NEO1: variants seen among roughly 807,000 people sequenced by gnomAD.
NEO1 encodes the protein neogenin 1, also known as neogenin.
A neutral mutation model predicts 159.7 loss-of-function variants in NEO1; 63 were observed. That is an observed-to-expected ratio of 0.39 (90% confidence interval 0.32 to 0.49). The LOEUF is 0.49. Ranked by LOEUF, NEO1 falls within the 20% of genes least tolerant of loss-of-function variation. NEO1 has a pLI of 0.85. For synonymous variants in NEO1, 633 were observed against 662.0 expected (o/e 0.96, Z 0.67); for missense variants, 1,615 against 1,831.0 (o/e 0.88, Z 2.15).
intron 4 of NEO1, among the ~76,000 whole-genome samples, chr15:73,129,451 A>C (rs1408468213): frequency 6.6e-6 from 1 of 152,214 alleles, no homozygotes; most frequent in Non-Finnish European, 1.5e-5. Context: ...TACTCATCTT[A>C]AGACTTCTTT....
At chr15:73,298,131 C>T (rs372208391) in intron 26 of NEO1, among the ~76,000 whole-genome samples, 4 of 152,256 alleles carry the variant, frequency 2.6e-5, no homozygotes, top group African/African-American at 7.2e-5. Flanking sequence ...GACCACTTAG[C>T]TGTGAGGTGA....
chr15:73,276,192 C>T (rs1324698048), intron 21 of NEO1, among the ~76,000 whole-genome samples: 1 of 152,188 alleles, frequency 6.6e-6, no homozygotes, highest in Non-Finnish European at 1.5e-5. Context: ...AAATTCTTTA[C>T]TCATTGATAT....
chr15:73,160,103 C>T (rs560455266), intron 5 of NEO1, among the ~76,000 whole-genome samples: 2 of 151,948 alleles, frequency 1.3e-5, no homozygotes, highest in South Asian at 4.2e-4. Flanking sequence ...TATCTGTTTT[C>T]CCCCTGTTCA....
intron 1 of NEO1, among the ~76,000 whole-genome samples, chr15:73,092,804 C>T (rs1174552964): frequency 6.6e-6 from 1 of 152,144 alleles, no homozygotes; most frequent in Non-Finnish European, 1.5e-5. Flanking sequence ...ATACTCCACA[C>T]CCAGTATCTC....
At chr15:73,299,742 A>C (rs2042540811) in intron 27 of NEO1, among the ~76,000 whole-genome samples, 1 of 151,664 alleles carries the variant, frequency 6.6e-6, no homozygotes, top group African/African-American at 2.4e-5. Flanking sequence ...TATTTTTTGC[A>C]GATCTCTTTA....
At chr15:73,281,760 A>ATATC (rs1333812270) in intron 22 of NEO1, among the ~76,000 whole-genome samples, 1 of 152,206 alleles carries the variant, frequency 6.6e-6, no homozygotes, top group African/African-American at 2.4e-5. Context: ...AAGAGATTAG[A>ATATC]TATCCATGGT....
chr15:73,102,854 C>T (rs1012426985), intron 1 of NEO1, among the ~76,000 whole-genome samples: 1 of 152,208 alleles, frequency 6.6e-6, no homozygotes, highest in African/African-American at 2.4e-5. Context: ...TATATGTCCT[C>T]CACATAAGCA....
intron 8 of NEO1, among the ~76,000 whole-genome samples, chr15:73,242,383 A>G (rs761531540): frequency 3.9e-5 from 6 of 152,142 alleles, no homozygotes; most frequent in Non-Finnish European, 8.8e-5. Flanking sequence ...AAAAATCATA[A>G]GGGACCAGGT....
intron 5 of NEO1, among the ~76,000 whole-genome samples, chr15:73,160,821 A>G (rs1207944669): frequency 2.0e-5 from 3 of 152,086 alleles, no homozygotes; most frequent in Admixed American, 6.5e-5. Context: ...ATAAGTTTCT[A>G]TGGAGGTTTC....
chr15:73,194,225 G>C (rs1044223336), intron 7 of NEO1, among the ~76,000 whole-genome samples: 1 of 152,110 alleles, frequency 6.6e-6, no homozygotes, highest in Non-Finnish European at 1.5e-5. Flanking sequence ...CATTTAGAAG[G>C]ATTTTGTACC....
intron 1 of NEO1, among the ~76,000 whole-genome samples, chr15:73,111,156 C>T (rs1321015457): frequency 6.6e-6 from 1 of 152,150 alleles, no homozygotes; most frequent in Non-Finnish European, 1.5e-5. Flanking sequence ...GTTAACTGTT[C>T]AGTGTTTGTT....
chr15:73,157,617 T>C (rs141214050), intron 5 of NEO1, among the ~76,000 whole-genome samples: 131 of 152,364 alleles, frequency 8.6e-4, no homozygotes, highest in African/African-American at 3.1e-3. Context: ...GGTTACCTGT[T>C]TTCCTTCTTC....
chr15:73,218,577 G>A (rs1266087392), intron 7 of NEO1, among the ~76,000 whole-genome samples: 1 of 151,836 alleles, frequency 6.6e-6, no homozygotes, highest in Non-Finnish European at 1.5e-5. Context: ...TGGTTGGTAA[G>A]CTATTGATTA....
rs572300005 is a variant in NEO1 at position 73,198,255 on chromosome 15, C to A, written c.1291+19828C>A. On this transcript the variant is annotated intron_variant, in intron 7 of 28. Transcript: ENST00000261908. Reference sequence around the variant, plus strand: ...AAAAGAACTTCATCCTTTCACTGCCCTGTTTCTCATATACTGTACATTGTC... The same window carrying A: ...AAAAGAACTTCATCCTTTCACTGCCATGTTTCTCATATACTGTACATTGTC... 2.0e-5 allele frequency among the ~76,000 whole-genome samples: 3 copies of A among 152,168 alleles called. No homozygotes were observed. The South Asian group carries it at 6.2e-4, about 32-fold the overall frequency.
chr15:73,120,783 C>G (rs2071600671), intron 2 of NEO1, among the ~76,000 whole-genome samples: 1 of 152,058 alleles, frequency 6.6e-6, no homozygotes, highest in African/African-American at 2.4e-5. Flanking sequence ...GACTTGAAAA[C>G]TGATGCTCTT....
In NEO1 at chr15:73,293,389, G is replaced by A; in HGVS notation, c.3743-1G>A. On this transcript the variant is annotated splice_acceptor_variant, in intron 25 of 28. Coordinates refer to ENST00000261908, the MANE Select transcript of NEO1 (RefSeq NM_002499.4). LOFTEE classifies it high-confidence loss of function. ...TTTCTCTGTCTTGTGTTCATTCACA[G>A]CTGTGATTAGTGCCCATCCCATCCA... 1 of 1,614,084 alleles carries A rather than the reference G, an allele frequency of 6.2e-7. No individual in the cohort carries two copies.
At chr15:73,190,337 A>G (rs1376471212) in intron 7 of NEO1, among the ~76,000 whole-genome samples, 1 of 152,154 alleles carries the variant, frequency 6.6e-6, no homozygotes, top group Admixed American at 6.5e-5. Flanking sequence ...TAATTGCCAA[A>G]TTTTAGTTCT....
At chr15:73,060,840 G>A (rs1027400813) in intron 1 of NEO1, among the ~76,000 whole-genome samples, 1 of 151,394 alleles carries the variant, frequency 6.6e-6, no homozygotes, top group Non-Finnish European at 1.5e-5. Context: ...TGTACAGACA[G>A]GGTTTCACCA....
At chr15:73,163,447 A>G (rs1245769188) in intron 5 of NEO1, among the ~76,000 whole-genome samples, 2 of 152,208 alleles carry the variant, frequency 1.3e-5, no homozygotes, top group African/African-American at 4.8e-5. Context: ...GGTGTCTTCA[A>G]AAAGCATTTA....
Sources: allele counts gnomAD v4.1 joint callset (sites outside exome capture counted in the v4.1 genomes callset), GRCh38; gene constraint gnomAD v4.1.1; transcripts MANE v1.5; gene names NCBI Gene and HGNC (gene_info 2026-07-23, HGNC 2026-07-21).